The following NEIL1 variants were observed in gnomAD, a reference collection of about 807,000 sequenced individuals.
The protein encoded by NEIL1 is endonuclease 8-like 1.
Under a neutral mutation model 44.2 loss-of-function variants are expected in NEIL1, and 31 were observed. The observed-to-expected ratio is 0.70, with a 90% CI of 0.53 to 0.95. The LOEUF is 0.95. NEIL1 is among the 40% of genes least tolerant of loss of function. The pLI, the probability that NEIL1 is intolerant of heterozygous loss-of-function variation, is 0.00. For synonymous variants in NEIL1, 254 were observed against 209.7 expected (o/e 1.21, Z -1.83); for missense variants, 549 against 515.5 (o/e 1.07, Z -0.63).
At chr15:75,353,506 G>A in intron 5 of NEIL1, 1 of 628,360 alleles carries the variant, frequency 1.6e-6, no homozygotes, top group South Asian at 1.5e-5. Context: ...GATTACAGGT[G>A]TGGCCACTGC....
In NEIL1 at chr15:75,356,642, G is replaced by A. The variant is rs185465747; in HGVS notation, c.*1608G>A. 3.9e-5 allele frequency: 62 copies of A among 1,572,466 alleles called. No homozygotes were observed. In the Admixed American group the frequency reaches 6.0e-4, roughly 15 times the overall value. ...ATCAGTGCATAGGTGAACTCGTGGC[G>A]CCCCGTGTCAGCAGTAGCGTCCGGG... On this transcript the variant is annotated 3_prime_UTR_variant, in exon 10 of 10. Coordinates refer to ENST00000355059, the MANE Select transcript of NEIL1 (RefSeq NM_024608.4). The surrounding 1 kb of genome is among the most constrained non-coding windows in gnomAD (Gnocchi z 5.8).
In NEIL1 at chr15:75,355,203, C is replaced by A; in HGVS notation, c.*169C>A. On this transcript the variant is annotated 3_prime_UTR_variant, in exon 10 of 10. Transcript: ENST00000355059. ...TACCCCATCTTCCACATCTTTAAAG[C>A]TCATGTGAAAAATGCTGCATTTTTA... 1 of 610,822 alleles carries A rather than the reference C, an allele frequency of 1.6e-6. No individual in the cohort carries two copies. The allele number at this position is 610,822 out of a possible 1,614,324, so 37.8% of individuals were successfully genotyped here. A position where few individuals can be genotyped will look rare whatever the true frequency, so the allele number is the denominator to read the frequency against.
intron 1 of NEIL1, chr15:75,348,198 C>A: frequency 1.4e-6 from 1 of 708,220 alleles, no homozygotes; most frequent in Non-Finnish European, 1.7e-6. Context: ...TCGTCCTGGC[C>A]CCTGCCCTGA....
intron 1 of NEIL1, chr15:75,348,083 TC>T: frequency 1.0e-6 from 1 of 980,186 alleles, no homozygotes; most frequent in Non-Finnish European, 1.3e-6. Flanking sequence ...GCCCTTTCCC[TC>T]CCCCAGGCCC....
intron 5 of NEIL1, chr15:75,352,990 AATT>A (rs1350042968): frequency 6.4e-6 from 2 of 314,234 alleles, no homozygotes; most frequent in African/African-American, 4.4e-5. Context: ...AAATGCAAAA[AATT>A]AGCCAGGTGT....
chr15:75,354,745 C>T lies in NEIL1; in HGVS notation c.1029C>T (p.Thr343=). Residue 343 remains threonine, a synonymous_variant, in exon 9 of 10, where the codon ACC becomes ACT. Coordinates refer to ENST00000355059, the MANE Select transcript of NEIL1 (RefSeq NM_024608.4). ...KRTATQRPEG[T]SLQQDPEAPT... is the part of the protein sequence containing the mutation. ...CTGCAACCCAGCGGCCTGAGGGGAC[C>T]AGCCTCCAGCAGGACCCAGAAGCTC... 1 of 1,614,162 alleles carries T rather than the reference C, an allele frequency of 6.2e-7. No homozygotes were observed. The highest frequency in any genetic ancestry group is 1.3e-5 in the African/African-American group (1 of 75,048).
At position 75,352,595 on chromosome 15, in the gene NEIL1, TC is replaced by T; in HGVS notation, c.619-5del. 1 of 1,611,958 alleles carries T rather than the reference TC, an allele frequency of 6.2e-7. No homozygotes were observed. Among genetic ancestry groups the T allele is most frequent in the Non-Finnish European group, 8.5e-7 (1 of 1,178,982 alleles). ...ACAGACAGGTCCTGCCCCTGCCCCT[TC>T]CTCAGAGCCCGGAGCTGACCCTGAG... On this transcript the variant is annotated splice_region_variant and splice_polypyrimidine_tract_variant and intron_variant, in intron 4 of 9. Transcript: ENST00000355059.
In NEIL1 at chr15:75,353,608, G is replaced by A. The variant is rs143387892; in HGVS notation, c.719-131G>A. On this transcript the variant is annotated intron_variant, in intron 5 of 9. Coordinates refer to ENST00000355059, the MANE Select transcript of NEIL1 (RefSeq NM_024608.4). The stretch of plus-strand genomic sequence containing the variant: ...ACCAGCTGAGGTCACATCACCAGAG[G>A]AGGGAGAGTGTGGCCCCTGACTCAG... 54 of 959,972 alleles carry A rather than the reference G, an allele frequency of 5.6e-5. No homozygotes were observed. The African/African-American group carries it at 7.8e-4, about 14-fold the overall frequency. The allele number at this position is 959,972 out of a possible 1,614,324, so 59.5% of individuals were successfully genotyped here.
In NEIL1 at chr15:75,355,138, C is replaced by A; in HGVS notation, c.*104C>A. On this transcript the variant is annotated 3_prime_UTR_variant, in exon 10 of 10. Transcript: ENST00000355059. The stretch of plus-strand genomic sequence containing the variant: ...GCAATATCTGAAGGTGCAAACAGGC[C>A]CTACGGCTGTTCCCTGCACAACTCT... 1 of 893,308 alleles carries A rather than the reference C, an allele frequency of 1.1e-6. No homozygotes were observed. Among genetic ancestry groups the A allele is most frequent in the Non-Finnish European group, 1.8e-6 (1 of 569,410 alleles). 55.3% of individuals were successfully genotyped at this position (893,308 alleles called of 1,614,324 possible).
At position 75,356,059 on chromosome 15, in the gene NEIL1, C is replaced by A; in HGVS notation, c.*1025C>A. ...TGGAGAACAGGAGGGGCCATGAAGGCTCTGCGAGGGCGAGACTCGACCCCC... is the reference window on the plus strand; with the variant it reads ...TGGAGAACAGGAGGGGCCATGAAGGATCTGCGAGGGCGAGACTCGACCCCC... On this transcript the variant is annotated 3_prime_UTR_variant, in exon 10 of 10. Coordinates refer to ENST00000355059, the MANE Select transcript of NEIL1 (RefSeq NM_024608.4). This position sits in a 1 kb window ranked among gnomAD's most constrained non-coding sequence, Gnocchi z 5.8. 1 of 1,613,732 alleles carries A rather than the reference C, an allele frequency of 6.2e-7. No individual in the cohort carries two copies. The highest frequency in any genetic ancestry group is 1.7e-4 in the Middle Eastern group (1 of 6,058).
chr15:75,354,889 G>A, intron 9 of NEIL1, 71 bp downstream of exon 9: 2 of 1,612,116 alleles, frequency 1.2e-6, no homozygotes, highest in Non-Finnish European at 1.7e-6. Flanking sequence ...AGGAGCGCGT[G>A]TACAAAGGTG....
At chr15:75,353,457 C>A (rs749035825) in intron 5 of NEIL1, 9 of 441,494 alleles carry the variant, frequency 2.0e-5, no homozygotes, top group Non-Finnish European at 4.0e-5. Flanking sequence ...AACTCCTGGC[C>A]CCTAGGGATT....
At chr15:75,354,006 T>C in intron 6 of NEIL1, 140 bp downstream of exon 6, 1 of 1,218,408 alleles carries the variant, frequency 8.2e-7, no homozygotes, top group Non-Finnish European at 1.2e-6. Flanking sequence ...GTCACACCCC[T>C]CCCCTCCCAT....
At chr15:75,352,530 G>C in intron 4 of NEIL1, 72 bp from the exon 5 acceptor site, 1 of 1,555,388 alleles carries the variant, frequency 6.4e-7, no homozygotes. Flanking sequence ...GTCTGACCAA[G>C]CTCAGAGAGA....
chr15:75,356,431 C>A lies in NEIL1; in HGVS notation c.*1397C>A, dbSNP rs1309614675. 1 of 1,604,258 alleles carries A rather than the reference C, an allele frequency of 6.2e-7. No individual in the cohort carries two copies. The highest frequency in any genetic ancestry group is 1.1e-5 in the South Asian group (1 of 89,154). Reference sequence around the variant, plus strand: ...TAGGCTGTAGGCAGCTTGGATAACGCCAGCATCCTGGAAAGAGCCTGGGGT... The same window carrying A: ...TAGGCTGTAGGCAGCTTGGATAACGACAGCATCCTGGAAAGAGCCTGGGGT... On this transcript the variant is annotated 3_prime_UTR_variant, in exon 10 of 10. Transcript: ENST00000355059. This position sits in a 1 kb window ranked among gnomAD's most constrained non-coding sequence, Gnocchi z 5.8.
At chr15:75,349,891 G>A (rs1054784291) in intron 2 of NEIL1, among the ~76,000 whole-genome samples, 1 of 152,354 alleles carries the variant, frequency 6.6e-6, no homozygotes, top group Non-Finnish European at 1.5e-5. Flanking sequence ...CTGCCCTGAG[G>A]ACATGTGGCC....
At position 75,353,197 on chromosome 15, in the gene NEIL1, C is replaced by T. The variant is rs11630521; in HGVS notation, c.718+496C>T. 1.0e-3 allele frequency: 187 copies of T among 180,880 alleles called. 1 individual carries two copies. The highest frequency in any genetic ancestry group is 1.8e-3 in the Non-Finnish European group (153 of 86,598). The allele number at this position is 180,880 out of a possible 1,614,324, so 11.2% of individuals were successfully genotyped here. ...TCCTCCAAGCTGCCCATGAGACAGG[C>T]AGGACAAGGATTCTTTTATATATTT... On this transcript the variant is annotated intron_variant, in intron 5 of 9. Transcript: ENST00000355059.
chr15:75,354,137 TAAGGGAG>T, intron 6 of NEIL1, 106 bp from the exon 7 acceptor site: 1 of 1,283,352 alleles, frequency 7.8e-7, no homozygotes, highest in East Asian at 2.3e-5. Context: ...AGAGGCTTCC[TAAGGGAG>T]AAGCTACACT....
At chr15:75,349,391 T>C (rs1189907720) in intron 2 of NEIL1, 52 bp downstream of exon 2, 1 of 1,513,422 alleles carries the variant, frequency 6.6e-7, no homozygotes, top group East Asian at 2.3e-5. Context: ...CACACCTGAC[T>C]CTCTTAGTGC....
Sources: gnomAD v4.1 joint callset for allele counts (sites outside exome capture counted in the v4.1 genomes callset) on GRCh38, gnomAD v4.1.1 for gene constraint, Gnocchi (gnomAD v3.1) non-coding constraint, MANE v1.5 for transcripts, NCBI Gene and HGNC (gene_info 2026-07-23, HGNC 2026-07-21) for gene names.